The following GAS6 variants were observed in gnomAD, a reference collection of about 807,000 sequenced individuals.
GAS6 encodes growth arrest specific 6, also known as growth arrest-specific protein 6.
A neutral mutation model predicts 75.8 loss-of-function variants in GAS6; 41 were observed. The ratio of observed to expected loss-of-function variants is 0.54; its 90% CI spans 0.42 to 0.70. The LOEUF (loss-of-function observed/expected upper bound fraction) is 0.70, where lower values mean the gene tolerates loss of function less well. Ranked by LOEUF, GAS6 falls within the 30% of genes least tolerant of loss-of-function variation. The probability of loss-of-function intolerance (pLI) is 0.00; values close to 1 mark genes in which losing one functional copy is unlikely to be tolerated. For missense variants in GAS6, 854 were observed against 940.2 expected (o/e 0.91, Z 1.20); for synonymous variants, 432 against 412.6 (o/e 1.05, Z -0.57).
intron 14 of GAS6, chr13:113,821,322 TCCTGGC>T (rs2051454938): frequency 9.2e-6 from 4 of 433,378 alleles, no homozygotes; most frequent in African/African-American, 2.0e-5. Flanking sequence ...GCTGCAGGCC[TCCTGGC>T]TCGCTCTCAT....
At position 113,844,036 on chromosome 13, in the gene GAS6, C is replaced by G. The variant is rs1594204738; in HGVS notation, c.343+2491G>C. 2.7e-5 allele frequency: 4 copies of G among 150,882 alleles called. 1 individual carries two copies. Among genetic ancestry groups the G allele is most frequent in the African/African-American group, 9.9e-5 (4 of 40,234 alleles). 9.3% of individuals were successfully genotyped at this position (150,882 alleles called of 1,614,324 possible). ...ACCGCCAGGCATCTTTTGAGGCACG[C>G]GAACATCAGAGGCCCCAGCCACGTG... On this transcript the variant is annotated intron_variant, in intron 4 of 14. Coordinates refer to ENST00000327773, the MANE Select transcript of GAS6 (RefSeq NM_000820.4). This position sits in a 1 kb window ranked among gnomAD's most constrained non-coding sequence, Gnocchi z 5.7.
At chr13:113,849,756 G>A (rs749457012) in intron 2 of GAS6, among the ~76,000 whole-genome samples, 4 of 152,152 alleles carry the variant, frequency 2.6e-5, no homozygotes, top group Admixed American at 6.5e-5. Flanking sequence ...CTGTCAGTTC[G>A]CCACACCTAT....
intron 12 of GAS6, 56 bp downstream of exon 12, chr13:113,826,940 T>A: frequency 2.2e-6 from 3 of 1,372,040 alleles, no homozygotes; most frequent in Non-Finnish European, 9.8e-7. Flanking sequence ...GCTTTCAGCG[T>A]ATGCCTGTCT....
At position 113,827,117 on chromosome 13, in the gene GAS6, G is replaced by GT. The variant is rs753502750; in HGVS notation, c.1355dup (p.Asn452LysfsTer51). ...TTTCCTGGATGGTGGTGTCTTCTCCGTTCAGCCAGTTCCAGCTCCTCATGC... is the reference window on the plus strand; with the variant it reads ...TTTCCTGGATGGTGGTGTCTTCTCCGTTTCAGCCAGTTCCAGCTCCTCATGC... On this transcript the variant is annotated frameshift_variant, in exon 12 of 15. Transcript: ENST00000327773. The GT allele has an allele frequency of 6.2e-7, 1 of 1,613,280 alleles. No individual in the cohort carries two copies. Among genetic ancestry groups the GT allele is most frequent in the Non-Finnish European group, 8.5e-7 (1 of 1,179,876 alleles).
chr13:113,860,217 TGTC>T (rs1461179886), intron 2 of GAS6, among the ~76,000 whole-genome samples: 2 of 152,102 alleles, frequency 1.3e-5, no homozygotes, highest in African/African-American at 2.4e-5. Flanking sequence ...CCTGGCCACA[TGTC>T]GTGCAGGTGC....
intron 2 of GAS6, among the ~76,000 whole-genome samples, chr13:113,854,476 C>T (rs752418468): frequency 3.9e-5 from 6 of 152,240 alleles, no homozygotes; most frequent in East Asian, 1.9e-4. Flanking sequence ...CAACCCTGCA[C>T]GGCAGTAATG....
chr13:113,854,681 C>T (rs2051900636), intron 2 of GAS6, among the ~76,000 whole-genome samples: 1 of 152,404 alleles, frequency 6.6e-6, no homozygotes, highest in Admixed American at 6.5e-5. Flanking sequence ...GGGCAAGCCC[C>T]ACCGAGGGCT....
At chr13:113,824,473 C>G (rs1053289753) in intron 12 of GAS6, among the ~76,000 whole-genome samples, 1 of 152,002 alleles carries the variant, frequency 6.6e-6, no homozygotes, top group Admixed American at 6.6e-5. Context: ...GAGAATGCCA[C>G]GGCATATCCT....
intron 10 of GAS6, 38 bp from the exon 11 acceptor site, chr13:113,828,749 C>T (rs751838791): frequency 1.3e-4 from 209 of 1,601,452 alleles, no homozygotes; most frequent in Non-Finnish European, 1.7e-4. Context: ...GATGGGAGTG[C>T]ACGTTCTGAA....
chr13:113,823,500 C>A lies in GAS6; in HGVS notation c.1528G>T (p.Val510Leu). The change falls in exon 13 of 15, where the codon GTG (valine) becomes TTG (leucine). Residue 510 changes from valine to leucine, a missense_variant. Transcript: ENST00000327773. ...GTESTWEVEV[V>L]AHIRPAADTG... Reference sequence around the variant, plus strand: ...TCTGCGGCTGGGCGGATGTGAGCCACGACTTCTACTTCCCAGGTTGATTCA... The same window carrying A: ...TCTGCGGCTGGGCGGATGTGAGCCAAGACTTCTACTTCCCAGGTTGATTCA... The A allele has an allele frequency of 6.2e-7, 1 of 1,612,724 alleles. No homozygotes were observed. The highest frequency in any genetic ancestry group is 8.5e-7 in the Non-Finnish European group (1 of 1,179,930).
intron 8 of GAS6, among the ~76,000 whole-genome samples, chr13:113,834,280 A>T (rs1014326657): frequency 6.6e-6 from 1 of 152,138 alleles, no homozygotes; most frequent in Non-Finnish European, 1.5e-5. Flanking sequence ...CACGCGGCAG[A>T]GTGGGGACCG....
At chr13:113,824,253 C>T (rs1216953779) in intron 12 of GAS6, among the ~76,000 whole-genome samples, 1 of 136,912 alleles carries the variant, frequency 7.3e-6, no homozygotes, top group Non-Finnish European at 1.6e-5. Flanking sequence ...CTGTCAGGAG[C>T]ACCCGCGGTC....
chr13:113,829,748 A>C (rs2051606058), intron 10 of GAS6, among the ~76,000 whole-genome samples: 1 of 147,448 alleles, frequency 6.8e-6, no homozygotes, highest in Admixed American at 6.7e-5. Flanking sequence ...CAGGGAGTCC[A>C]CCTGATCCTC....
chr13:113,847,905 A>T, intron 3 of GAS6, 121 bp downstream of exon 3: 1 of 905,544 alleles, frequency 1.1e-6, no homozygotes, highest in Admixed American at 1.9e-5. Flanking sequence ...TTCCACGTGC[A>T]CCATGTGATT....
chr13:113,842,663 G>C (rs978955933), intron 4 of GAS6: 2 of 397,128 alleles, frequency 5.0e-6, no homozygotes, highest in African/African-American at 2.1e-5. Flanking sequence ...ACACGTGCAG[G>C]GCAGGCGGCC....
In GAS6 at chr13:113,820,609, G is replaced by C. The variant is rs1413445405; in HGVS notation, c.*255C>G. ...TTTTAGAGTCAGAAAGAAGCGCTTG[G>C]TAATAAAAATAATAGAGAATTATTT... On this transcript the variant is annotated 3_prime_UTR_variant, in exon 15 of 15. Coordinates refer to ENST00000327773, the MANE Select transcript of GAS6 (RefSeq NM_000820.4). 4 of 471,586 alleles carry C rather than the reference G, an allele frequency of 8.5e-6. No individual in the cohort carries two copies. The highest frequency in any genetic ancestry group is 1.5e-5 in the Non-Finnish European group (4 of 265,234). The allele number at this position is 471,586 out of a possible 1,614,324, so 29.2% of individuals were successfully genotyped here.
intron 14 of GAS6, 23 bp from the exon 15 acceptor site, chr13:113,821,041 C>G: frequency 6.2e-7 from 1 of 1,606,434 alleles, no homozygotes; most frequent in East Asian, 2.2e-5. Flanking sequence ...GAGAGAACAA[C>G]ATATCTTAGC....
chr13:113,853,601 G>A (rs2051892402), intron 2 of GAS6, among the ~76,000 whole-genome samples: 1 of 152,210 alleles, frequency 6.6e-6, no homozygotes, highest in Non-Finnish European at 1.5e-5. Flanking sequence ...CAAGTGGGTG[G>A]AGACTGCTGA....
rs1175328389 is a variant in GAS6, at chr13:113,859,461, T to C, written c.255+4114A>G. ...GACAGTGTGTGACTGTGTGTACGTA[T>C]GTCTATGTGAATGTGTGCATGTATG... On this transcript the variant is annotated intron_variant, in intron 2 of 14. Coordinates refer to ENST00000327773, the MANE Select transcript of GAS6 (RefSeq NM_000820.4). 2.6e-5 allele frequency among the ~76,000 whole-genome samples: 4 copies of C among 151,898 alleles called. No individual in the cohort carries two copies. In the East Asian group the frequency reaches 5.8e-4, roughly 22 times the overall value.
Sources: gnomAD v4.1 joint callset for allele counts (sites outside exome capture counted in the v4.1 genomes callset) on GRCh38, gnomAD v4.1.1 for gene constraint, Gnocchi (gnomAD v3.1) non-coding constraint, MANE v1.5 for transcripts, NCBI Gene and HGNC (gene_info 2026-07-23, HGNC 2026-07-21) for gene names.